Variants in GNAL observed in about 807,000 individuals in gnomAD.
GNAL encodes guanine nucleotide-binding protein G(olf) subunit alpha.
In GNAL, 18 loss-of-function variants were observed where a neutral mutation model predicts 55.1. That is an observed-to-expected ratio of 0.33 (90% confidence interval 0.23 to 0.48). The LOEUF (loss-of-function observed/expected upper bound fraction) is 0.48, where lower values mean the gene tolerates loss of function less well. GNAL is among the 20% of genes least tolerant of loss of function. The probability of loss-of-function intolerance (pLI) is 0.99; values close to 1 mark genes in which losing one functional copy is unlikely to be tolerated. For missense variants in GNAL, 412 were observed against 614.1 expected (o/e 0.67, Z 3.48); for synonymous variants, 253 against 237.0 (o/e 1.07, Z -0.62).
chr18:11,851,634 G>A, intron 5 of GNAL: 1 of 1,614,018 alleles, frequency 6.2e-7, no homozygotes, highest in Non-Finnish European at 8.5e-7. Flanking sequence ...AGGCCATTCA[G>A]AAGGGCAACA....
At chr18:11,773,327 C>T (rs1329398771) in intron 4 of GNAL, among the ~76,000 whole-genome samples, 1 of 152,210 alleles carries the variant, frequency 6.6e-6, no homozygotes, top group Non-Finnish European at 1.5e-5. Context: ...GTAAATCACC[C>T]TGAAAGATTC....
intron 9 of GNAL, among the ~76,000 whole-genome samples, chr18:11,871,375 C>T (rs1411269637): frequency 2.6e-5 from 4 of 152,002 alleles, no homozygotes; most frequent in African/African-American, 4.8e-5. Context: ...CTCAGCCTCC[C>T]GAGTAGCTGG....
chr18:11,792,603 G>A (rs2034269563), intron 4 of GNAL, among the ~76,000 whole-genome samples: 1 of 152,196 alleles, frequency 6.6e-6, no homozygotes, highest in South Asian at 2.1e-4. Context: ...CACATAATCT[G>A]CAAAATTACA....
intron 5 of GNAL, among the ~76,000 whole-genome samples, chr18:11,858,883 G>A (rs995110019): frequency 2.0e-5 from 3 of 152,152 alleles, no homozygotes; most frequent in Admixed American, 1.3e-4. Flanking sequence ...GGCGACAGGA[G>A]AAGACCCACC....
chr18:11,875,692 C>T (rs1015738623), intron 10 of GNAL, among the ~76,000 whole-genome samples: 31 of 152,174 alleles, frequency 2.0e-4, no homozygotes, highest in African/African-American at 4.3e-4. Context: ...ATACCAGCAT[C>T]GTGCTTCCCG....
intron 11 of GNAL, among the ~76,000 whole-genome samples, chr18:11,879,991 GCT>G (rs1311426646): frequency 6.6e-6 from 1 of 152,242 alleles, no homozygotes; most frequent in Non-Finnish European, 1.5e-5. Context: ...GGGCGCGGTG[GCT>G]CACGCCTGTA....
chr18:11,872,436 G>A (rs372092896), intron 10 of GNAL, 38 bp downstream of exon 10: 15 of 1,361,252 alleles, frequency 1.1e-5, no homozygotes, highest in Admixed American at 4.6e-5. Context: ...TTGAGGAATA[G>A]AATTGTTTTA....
At chr18:11,773,104 C>T (rs2033681609) in intron 4 of GNAL, among the ~76,000 whole-genome samples, 1 of 152,186 alleles carries the variant, frequency 6.6e-6, no homozygotes. Context: ...TGGGAGCCTT[C>T]CCTGACCTCT....
intron 1 of GNAL, among the ~76,000 whole-genome samples, chr18:11,735,937 C>T (rs568773470): frequency 6.6e-5 from 10 of 152,208 alleles, no homozygotes; most frequent in South Asian, 2.1e-4. Context: ...CGGATGCCTT[C>T]GAGCCCTCCC....
chr18:11,792,149 T>C (rs1395143018), intron 4 of GNAL, among the ~76,000 whole-genome samples: 1 of 152,110 alleles, frequency 6.6e-6, no homozygotes, highest in Admixed American at 6.6e-5. Flanking sequence ...TATCCAGTAC[T>C]TACTGCCTTG....
At chr18:11,750,779 G>A (rs1013133018) in intron 1 of GNAL, among the ~76,000 whole-genome samples, 4 of 152,256 alleles carry the variant, frequency 2.6e-5, no homozygotes, top group Middle Eastern at 3.4e-3. Flanking sequence ...CGGTGGGCAG[G>A]AGGAAAACTG....
At chr18:11,693,741 C>CTTTT (rs576637274) in intron 1 of GNAL, among the ~76,000 whole-genome samples, 32,519 of 110,030 alleles carry the variant, frequency 0.3, 4,968 homozygotes, top group African/African-American at 0.44. Context: ...CCAGCAGTGT[C>CTTTT]TTTTTTTTTT....
At chr18:11,794,548 C>A (rs917868813) in intron 4 of GNAL, among the ~76,000 whole-genome samples, 1 of 152,034 alleles carries the variant, frequency 6.6e-6, no homozygotes, top group African/African-American at 2.4e-5. Flanking sequence ...AGACAGAAAG[C>A]AAATTGGTAG....
intron 5 of GNAL, among the ~76,000 whole-genome samples, chr18:11,833,107 C>T (rs1014958788): frequency 1.3e-5 from 2 of 151,680 alleles, no homozygotes; most frequent in Non-Finnish European, 2.9e-5. Context: ...TCTCCACTCA[C>T]TGCAACCTCA....
At chr18:11,790,475 A>T (rs756619789) in intron 4 of GNAL, among the ~76,000 whole-genome samples, 7 of 152,156 alleles carry the variant, frequency 4.6e-5, no homozygotes, top group Non-Finnish European at 1.0e-4. Flanking sequence ...ATACAGACTC[A>T]TAAAGCATTT....
At chr18:11,728,897 G>A (rs1598415088) in intron 1 of GNAL, among the ~76,000 whole-genome samples, 1 of 152,298 alleles carries the variant, frequency 6.6e-6, no homozygotes, top group African/African-American at 2.4e-5. Context: ...GGAGCCTGCT[G>A]ATGAAAGGCT....
chr18:11,704,258 T>C (rs2031651800), intron 1 of GNAL, among the ~76,000 whole-genome samples: 1 of 152,176 alleles, frequency 6.6e-6, no homozygotes, highest in Non-Finnish European at 1.5e-5. Context: ...ATCCCACATA[T>C]GGATTATACC....
intron 1 of GNAL, among the ~76,000 whole-genome samples, chr18:11,699,597 C>A (rs1048996130): frequency 6.6e-6 from 1 of 151,660 alleles, no homozygotes; most frequent in African/African-American, 2.4e-5. Flanking sequence ...AACCCTTTTA[C>A]TGAAAAACAG....
At chr18:11,697,900 G>A (rs2031459395) in intron 1 of GNAL, among the ~76,000 whole-genome samples, 1 of 152,226 alleles carries the variant, frequency 6.6e-6, no homozygotes, top group Non-Finnish European at 1.5e-5. Context: ...TTGGGTCTCA[G>A]AGAGGCTGCA....
Sources: gnomAD v4.1 joint callset for allele counts (sites outside exome capture counted in the v4.1 genomes callset) on GRCh38, gnomAD v4.1.1 for gene constraint, MANE v1.5 for transcripts, NCBI Gene and HGNC (gene_info 2026-07-23, HGNC 2026-07-21) for gene names.